The following NFIC variants were observed in gnomAD, a reference collection of about 807,000 sequenced individuals.
NFIC encodes the protein nuclear factor I C, also known as nuclear factor 1 C-type.
A neutral mutation model predicts 54.4 loss-of-function variants in NFIC; 12 were observed. The observed-to-expected ratio is 0.22, with a 90% CI of 0.14 to 0.36. The LOEUF is 0.36. Ranked by LOEUF, NFIC falls within the 10% of genes least tolerant of loss-of-function variation. The pLI is 1.00. For missense variants in NFIC, 575 were observed against 718.2 expected, an observed-to-expected ratio of 0.80 and a Z score of 2.28; for synonymous variants, 322 against 319.2, an observed-to-expected ratio of 1.01 and a Z score of -0.09.
In NFIC at chr19:3,462,818, G is replaced by C. The variant is rs374310905; in HGVS notation, c.*49G>C. The C allele has an allele frequency of 9.5e-5, 154 of 1,613,372 alleles. No individual in the cohort carries two copies. In the African/African-American group the frequency reaches 1.8e-3, roughly 19 times the overall value. On this transcript the variant is annotated 3_prime_UTR_variant, in exon 11 of 11. Coordinates refer to ENST00000443272, the MANE Select transcript of NFIC (RefSeq NM_001245002.2). ...TTCTCCATCGTCCCAGGAATCCCAGGGGGCAGCACAGCCGGCCCCCGGCCC... is the reference window on the plus strand; with the variant it reads ...TTCTCCATCGTCCCAGGAATCCCAGCGGGCAGCACAGCCGGCCCCCGGCCC...
intron 10 of NFIC, chr19:3,457,888 G>GCAAAACCAGCC (rs2082584317): frequency 6.6e-6 from 1 of 152,182 alleles, no homozygotes; most frequent in Non-Finnish European, 1.5e-5. Context: ...CCCAGGCTCC[G>GCAAAACCAGCC]CAAAACCAGC....
chr19:3,439,054 G>T (rs1351066701), intron 6 of NFIC, among the ~76,000 whole-genome samples: 2 of 151,872 alleles, frequency 1.3e-5, no homozygotes, highest in Non-Finnish European at 2.9e-5. Flanking sequence ...GTGACATTTG[G>T]CAGGTTCCTT....
At chr19:3,460,035 G>T (rs566473954) in intron 10 of NFIC, among the ~76,000 whole-genome samples, 59 of 152,346 alleles carry the variant, frequency 3.9e-4, no homozygotes, top group Admixed American at 7.2e-4. Flanking sequence ...GGTCTGGACA[G>T]CAGCTTCTCT....
intron 2 of NFIC, among the ~76,000 whole-genome samples, chr19:3,417,121 G>A (rs8105053): frequency 1.1e-4 from 16 of 149,880 alleles, no homozygotes; most frequent in African/African-American, 3.2e-4. Context: ...TCCTGACCTC[G>A]TGATCCGCCC....
intron 2 of NFIC, among the ~76,000 whole-genome samples, chr19:3,396,412 C>T (rs1428676083): frequency 6.8e-6 from 1 of 147,278 alleles, no homozygotes; most frequent in Non-Finnish European, 1.5e-5. Context: ...GCGGAGCTTG[C>T]AGTGAGCTGA....
chr19:3,366,968 C>T (rs571386848), intron 1 of NFIC, among the ~76,000 whole-genome samples: 1 of 122,120 alleles, frequency 8.2e-6, no homozygotes. Context: ...GTCCCCCCCC[C>T]ACACACCGAC....
At chr19:3,434,959 T>C (rs2082175558) in intron 5 of NFIC, 124 bp from the exon 6 acceptor site, 1 of 1,295,780 alleles carries the variant, frequency 7.7e-7, no homozygotes, top group African/African-American at 1.5e-5. Context: ...GCTCCCGCGA[T>C]GTCTCGCGAT....
intron 2 of NFIC, among the ~76,000 whole-genome samples, chr19:3,405,701 G>A (rs1265201149): frequency 6.6e-6 from 1 of 151,880 alleles, no homozygotes; most frequent in African/African-American, 2.4e-5. Context: ...CTGAGTTCAA[G>A]CGATTCTCCT....
At chr19:3,448,514 G>A (rs2082406088) in intron 6 of NFIC, among the ~76,000 whole-genome samples, 1 of 152,180 alleles carries the variant, frequency 6.6e-6, no homozygotes, top group Non-Finnish European at 1.5e-5. Flanking sequence ...AGTCACTGCA[G>A]AGGGGGGATG....
intron 6 of NFIC, among the ~76,000 whole-genome samples, chr19:3,444,987 G>T (rs531240230): frequency 4.6e-5 from 7 of 152,148 alleles, no homozygotes; most frequent in Admixed American, 3.9e-4. Flanking sequence ...ACGTGCACAC[G>T]CATGTGCGCA....
chr19:3,458,039 C>T lies in NFIC; in HGVS notation c.1509+1404C>T, dbSNP rs1000730044. 1 of 152,372 alleles carries T rather than the reference C, an allele frequency of 6.6e-6. No homozygotes were observed. Among genetic ancestry groups the T allele is most frequent in the Non-Finnish European group, 1.5e-5 (1 of 68,132 alleles). The allele number at this position is 152,372 out of a possible 1,614,324, so 9.4% of individuals were successfully genotyped here. The stretch of plus-strand genomic sequence containing the variant: ...CCACTCTGAACCTCTGTCTCTTCCT[C>T]TGGCCTTGGGCACCCGCACCAAGAG... On this transcript the variant is annotated intron_variant, in intron 10 of 10. Coordinates refer to ENST00000443272, the MANE Select transcript of NFIC (RefSeq NM_001245002.2). This position sits in a 1 kb window ranked among gnomAD's most constrained non-coding sequence, Gnocchi z 4.1.
intron 6 of NFIC, among the ~76,000 whole-genome samples, chr19:3,437,236 C>T (rs1189297325): frequency 1.3e-5 from 2 of 151,958 alleles, no homozygotes; most frequent in Non-Finnish European, 2.9e-5. Flanking sequence ...GGCGTGGCGG[C>T]GGGTGCCTGT....
Position 3,429,094 on chromosome 19 carries a change from G to A in NFIC, c.634+3917G>A, listed in dbSNP as rs1256957204. On this transcript the variant is annotated intron_variant, in intron 3 of 10. Transcript: ENST00000443272. ...GAGCCCAGGAGTTCAAGACCAGCCT[G>A]GGTAATATAGCAAGACCCTATCTCT... 9.4e-5 allele frequency among the ~76,000 whole-genome samples: 14 copies of A among 148,302 alleles called. No individual in the cohort carries two copies. The Admixed American group carries it at 9.6e-4, about 10-fold the overall frequency.
At position 3,452,487 on chromosome 19, in the gene NFIC, G is replaced by C. The variant is rs552912326; in HGVS notation, c.1090G>C (p.Ala364Pro). Residue 364 changes from alanine to proline, a missense_variant, in exon 8 of 11, where the codon GCC becomes CCC. Physicochemically the swap from Ala to Pro is conservative, Grantham distance 27. Around this residue, in one of 3 missense-constraint regions of NFIC, gnomAD observed 447 missense variants for 526.9 expected, o/e 0.85. Coordinates refer to ENST00000443272, the MANE Select transcript of NFIC (RefSeq NM_001245002.2). This position sits in a 1 kb window ranked among gnomAD's most constrained non-coding sequence, Gnocchi z 5.3. ...GCTTCCCACTGTCTCCGCAGGGATCGCCCGGAGCCCACACCCGTCCTCCGC... is the reference window on the plus strand; with the variant it reads ...GCTTCCCACTGTCTCCGCAGGGATCCCCCGGAGCCCACACCCGTCCTCCGC... ...RPVIAVHSGI[A>P]RSPHPSSALH... 1 of 1,611,312 alleles carries C rather than the reference G, an allele frequency of 6.2e-7. No individual in the cohort carries two copies. The highest frequency in any genetic ancestry group is 1.7e-4 in the Middle Eastern group (1 of 6,060).
chr19:3,450,201 C>T (rs1470989863), intron 7 of NFIC, among the ~76,000 whole-genome samples: 1 of 151,616 alleles, frequency 6.6e-6, no homozygotes, highest in African/African-American at 2.4e-5. Flanking sequence ...AAAAATTATC[C>T]GGGCGTGGTG....
At chr19:3,438,594 C>T (rs1449190701) in intron 6 of NFIC, among the ~76,000 whole-genome samples, 1 of 152,074 alleles carries the variant, frequency 6.6e-6, no homozygotes, top group Non-Finnish European at 1.5e-5. Context: ...CCCACTACCA[C>T]GCCCGGCTAA....
chr19:3,409,632 C>T (rs2081718308), intron 2 of NFIC, among the ~76,000 whole-genome samples: 1 of 142,940 alleles, frequency 7.0e-6, no homozygotes, highest in Non-Finnish European at 1.5e-5. Context: ...TTGTCCCTTG[C>T]AAAGGGGGTG....
At chr19:3,429,275 C>CACACAT (rs2082083501) in intron 3 of NFIC, among the ~76,000 whole-genome samples, 1 of 142,504 alleles carries the variant, frequency 7.0e-6, no homozygotes, top group African/African-American at 2.6e-5. Flanking sequence ...CACACACACA[C>CACACAT]ACACACACAC....
intron 10 of NFIC, 101 bp downstream of exon 10, chr19:3,456,736 C>A: frequency 2.5e-6 from 3 of 1,187,634 alleles, no homozygotes; most frequent in East Asian, 2.6e-5. Context: ...CCACGCCACA[C>A]CCCTGGCACA....
Sources: allele counts gnomAD v4.1 joint callset (sites outside exome capture counted in the v4.1 genomes callset), GRCh38; gene constraint gnomAD v4.1.1; regional missense constraint gnomAD v4.1.1; non-coding constraint Gnocchi (gnomAD v3.1); transcripts MANE v1.5; gene names NCBI Gene and HGNC (gene_info 2026-07-23, HGNC 2026-07-21).